The following SRSF10 variants were observed in gnomAD, a reference collection of about 807,000 sequenced individuals.
SRSF10 encodes the protein serine and arginine rich splicing factor 10.
In SRSF10, 9 loss-of-function variants were observed where a neutral mutation model predicts 32.6. That is an observed-to-expected ratio of 0.28 (90% confidence interval 0.17 to 0.48). The LOEUF (loss-of-function observed/expected upper bound fraction) is 0.48, where lower values mean the gene tolerates loss of function less well. SRSF10 is among the 20% of genes least tolerant of loss of function. The pLI, the probability that SRSF10 is intolerant of heterozygous loss-of-function variation, is 0.99. For missense variants in SRSF10, 201 were observed against 331.8 expected (o/e 0.61, Z 3.06); for synonymous variants, 105 against 112.4 (o/e 0.93, Z 0.42).
rs2148501081 is a variant in SRSF10, at chr1:23,971,941, A to G, written c.346T>C (p.Tyr116His). The G allele has an allele frequency of 6.3e-7, 1 of 1,590,476 alleles. No individual in the cohort carries two copies. Among genetic ancestry groups the G allele is most frequent in the Non-Finnish European group, 8.5e-7 (1 of 1,172,618 alleles). ...SSSRYDDYDR[Y>H]RRSRSRSYER... ...TAACTTCGGCTTCTAGAACGTCTGT[A>G]TCTGTCATAATCATCATAGCGTGAA... Residue 116 changes from tyrosine (Y) to histidine (H), a missense_variant, in exon 4 of 6, where the codon TAC becomes CAC. Physicochemically the swap from Tyr to His is moderately conservative, Grantham distance 83 (BLOSUM62 2). This residue lies in a region of SRSF10 where 159 missense variants were observed against 196.7 expected (regional missense o/e 0.81). Transcript: ENST00000492112.
At chr1:23,977,314 C>T (rs1642153259) in intron 2 of SRSF10, 1 of 152,186 alleles carries the variant, frequency 6.6e-6, no homozygotes, top group Non-Finnish European at 1.5e-5. Flanking sequence ...GAAGTAAGGT[C>T]ACCTGAAACT....
rs1641745836 is a variant in SRSF10, at chr1:23,971,423, G to A, written c.508C>T (p.Arg170Ter). 2 of 1,608,868 alleles carry A rather than the reference G, an allele frequency of 1.2e-6. No homozygotes were observed. Among genetic ancestry groups the A allele is most frequent in the Admixed American group, 1.7e-5 (1 of 59,098 alleles). The change falls in exon 6 of 6, where the codon CGA (arginine) becomes TGA (stop). Residue 170 changes from arginine to a stop codon, truncating the protein, a stop_gained. Transcript: ENST00000492112. LOFTEE classifies it high-confidence loss of function. The stretch of plus-strand genomic sequence containing the variant: ...TTGGATTTAGATCTTGAAAAAGATC[G>A]ATTTCGGTGTTTGAATCTTTCAAAA... ...SDNDRFKHRNRSFSRSKSNSR... is the reference protein window; with the variant it reads ...SDNDRFKHRN
chr1:23,979,057 G>GTTTTTTTTTTTTTTTTTTTT (rs71655401), intron 1 of SRSF10: 2 of 133,982 alleles, frequency 1.5e-5, no homozygotes, highest in African/African-American at 2.7e-5. Flanking sequence ...TATAAGCCTT[G>GTTTTTTTTTTTTTTTTTTTT]TTTTTTTTTT....
intron 1 of SRSF10, among the ~76,000 whole-genome samples, 155 bp downstream of exon 1, chr1:23,980,036 G>A (rs896857210): frequency 7.9e-5 from 12 of 152,256 alleles, no homozygotes; most frequent in East Asian, 5.8e-4. Context: ...CGGCGGCTGA[G>A]GCCCGCTGCG....
chr1:23,972,605 G>A lies in SRSF10; in HGVS notation c.275-593C>T, dbSNP rs1171922310. Among the ~76,000 whole-genome samples the A allele has an allele frequency of 2.0e-5, 3 of 151,822 alleles. No homozygotes were observed. The East Asian group carries it at 5.8e-4, about 29-fold the overall frequency. On this transcript the variant is annotated intron_variant, in intron 3 of 5. Transcript: ENST00000492112. ...TTACAGGCACGCGCCACCACACCCG[G>A]CTAATTTTTGTATTTTAGTAGAGAC...
rs1641733754 is a variant in SRSF10 at position 23,971,166 on chromosome 1, A to G, written c.765T>C (p.Thr255=). The G allele has an allele frequency of 6.2e-7, 1 of 1,612,870 alleles. No homozygotes were observed. Residue 255 remains threonine, a synonymous_variant, in exon 6 of 6, where the codon ACT becomes ACC. Coordinates refer to ENST00000492112, the MANE Select transcript of SRSF10 (RefSeq NM_054016.4). ...ATCAGTGGCCACTGGACTTAGGACT[A>G]GTCCAAGACCTTGATCTAGATTTTG... ...SRSKSRSRSW[T]SPKSSGH is the part of the protein sequence containing the mutation.
chr1:23,974,962 A>C lies in SRSF10; in HGVS notation c.274+12T>G. 1 of 1,580,802 alleles carries C rather than the reference A, an allele frequency of 6.3e-7. No homozygotes were observed. Among genetic ancestry groups the C allele is most frequent in the Non-Finnish European group, 8.7e-7 (1 of 1,150,042 alleles). On this transcript the variant is annotated intron_variant, in intron 3 of 5. Transcript: ENST00000492112. ...ATAATGTTTCATACATATCAGGCAT[A>C]AGGGTACTTACTCTTTCGATCCCCC...
At position 23,980,183 on chromosome 1, in the gene SRSF10, G is replaced by A; in HGVS notation, c.65+8C>T. ...CGCCTAGGCCCGGAGTACCTGCCTTGTACCTACCTGGTGTCGTCGGCCACG... is the reference window on the plus strand; with the variant it reads ...CGCCTAGGCCCGGAGTACCTGCCTTATACCTACCTGGTGTCGTCGGCCACG... On this transcript the variant is annotated splice_region_variant and intron_variant, in intron 1 of 5. Transcript: ENST00000492112. The A allele has an allele frequency of 6.5e-7, 1 of 1,532,556 alleles. No individual in the cohort carries two copies. The highest frequency in any genetic ancestry group is 8.8e-7 in the Non-Finnish European group (1 of 1,138,658). 94.9% of individuals were successfully genotyped at this position (1,532,556 alleles called of 1,614,324 possible).
In SRSF10 at chr1:23,967,854, C is replaced by A. The variant is rs1641526444; in HGVS notation, c.*3288G>T. ...TTTCAAGAGAATAATACAATAGTTC[C>A]CAGGTCTTTCCCCTGGGATGTAACT... On this transcript the variant is annotated 3_prime_UTR_variant, in exon 6 of 6. Transcript: ENST00000492112. 1 of 1,550,622 alleles carries A rather than the reference C, an allele frequency of 6.4e-7. No individual in the cohort carries two copies. Among genetic ancestry groups the A allele is most frequent in the South Asian group, 1.2e-5 (1 of 84,696 alleles).
rs1641724731 is a variant in SRSF10 at position 23,971,005 on chromosome 1, T to C, written c.*137A>G. The C allele has an allele frequency of 4.8e-6, 7 of 1,468,658 alleles. 1 individual carries two copies. The highest frequency in any genetic ancestry group is 4.6e-5 in the South Asian group (3 of 65,154). 91.0% of individuals were successfully genotyped at this position (1,468,658 alleles called of 1,614,324 possible). A position where few individuals can be genotyped will look rare whatever the true frequency, so the allele number is the denominator to read the frequency against. Reference sequence around the variant, plus strand: ...TCTCAACAGCATATCATTTTAATTATAACCATTGCCTGGTACAGGGAAAAC... The same window carrying C: ...TCTCAACAGCATATCATTTTAATTACAACCATTGCCTGGTACAGGGAAAAC... On this transcript the variant is annotated 3_prime_UTR_variant, in exon 6 of 6. Transcript: ENST00000492112.
intron 2 of SRSF10, 158 bp from the exon 3 acceptor site, chr1:23,975,235 T>C (rs2148507628): frequency 3.1e-6 from 2 of 635,274 alleles, no homozygotes; most frequent in Non-Finnish European, 5.7e-6. Flanking sequence ...ATTCAGTCAT[T>C]AACACTTCAC....
chr1:23,970,452 C>G lies in SRSF10; in HGVS notation c.*690G>C. On this transcript the variant is annotated 3_prime_UTR_variant, in exon 6 of 6. Transcript: ENST00000492112. ...TTTGGCTCACTGCAACTTCTACCTCCCAGGTTCAAGCGATTCTCTTGCCTC... is the reference window on the plus strand; with the variant it reads ...TTTGGCTCACTGCAACTTCTACCTCGCAGGTTCAAGCGATTCTCTTGCCTC... 1.4e-6 allele frequency: 1 copy of G among 713,792 alleles called. No individual in the cohort carries two copies. Among genetic ancestry groups the G allele is most frequent in the African/African-American group, 1.9e-5 (1 of 51,412 alleles). 44.2% of individuals were successfully genotyped at this position (713,792 alleles called of 1,614,324 possible). A position where few individuals can be genotyped will look rare whatever the true frequency, so the allele number is the denominator to read the frequency against.
At chr1:23,977,543 A>G (rs1642164761) in intron 2 of SRSF10, 1 of 152,158 alleles carries the variant, frequency 6.6e-6, no homozygotes, top group Non-Finnish European at 1.5e-5. Flanking sequence ...TTCTGACCCT[A>G]CAAGACCACC....
rs566735169 is a variant in SRSF10, at chr1:23,968,237, CAT to C, written c.*2903_*2904del. 2.3e-3 allele frequency among the ~76,000 whole-genome samples: 350 copies of C among 152,190 alleles called. 4 individuals are homozygous for C. Among genetic ancestry groups the C allele is most frequent in the African/African-American group, 8.1e-3 (337 of 41,510 alleles). On this transcript the variant is annotated 3_prime_UTR_variant, in exon 6 of 6. Transcript: ENST00000492112. The stretch of plus-strand genomic sequence containing the variant: ...GTTAGGTGTGTCGCTTTAGGAACAA[CAT>C]ATAAGATTCTCAATAGTCCAAGTCT...
Position 23,980,287 on chromosome 1 carries a change from C to G in SRSF10, c.-32G>C. On this transcript the variant is annotated 5_prime_UTR_variant, in exon 1 of 6. Coordinates refer to ENST00000492112, the MANE Select transcript of SRSF10 (RefSeq NM_054016.4). ...GGCGTGTCTCGGCCGGGCGCACTAA[C>G]GGGCTCAGCAAACCGTCCGCGGCTC... 3 of 1,438,796 alleles carry G rather than the reference C, an allele frequency of 2.1e-6. No individual in the cohort carries two copies. Among genetic ancestry groups the G allele is most frequent in the Non-Finnish European group, 2.8e-6 (3 of 1,088,312 alleles). The allele number at this position is 1,438,796 out of a possible 1,614,324, so 89.1% of individuals were successfully genotyped here. A position where few individuals can be genotyped will look rare whatever the true frequency, so the allele number is the denominator to read the frequency against.
At position 23,975,294 on chromosome 1, in the gene SRSF10, G is replaced by C. The variant is rs926325037; in HGVS notation, c.171-217C>G. Reference sequence around the variant, plus strand: ...CTAAGGCACACATTTGAAAATGTATGAATACATATTGCAGTAAAGTTATTA... The same window carrying C: ...CTAAGGCACACATTTGAAAATGTATCAATACATATTGCAGTAAAGTTATTA... On this transcript the variant is annotated intron_variant, in intron 2 of 5. Coordinates refer to ENST00000492112, the MANE Select transcript of SRSF10 (RefSeq NM_054016.4). 2.7e-5 allele frequency: 14 copies of C among 517,374 alleles called. No homozygotes were observed. In the African/African-American group the frequency reaches 2.7e-4, roughly 10 times the overall value. 32.0% of individuals were successfully genotyped at this position (517,374 alleles called of 1,614,324 possible).
chr1:23,975,857 A>T (rs1642054156), intron 2 of SRSF10: 2 of 152,242 alleles, frequency 1.3e-5, no homozygotes, highest in Admixed American at 1.3e-4. Context: ...TGGGTTTGAG[A>T]CTGGTTTCCA....
intron 3 of SRSF10, among the ~76,000 whole-genome samples, chr1:23,973,407 G>C (rs1641890655): frequency 6.6e-6 from 1 of 152,168 alleles, no homozygotes; most frequent in South Asian, 2.1e-4. Flanking sequence ...ACAGCTCTCT[G>C]CAACTTCAAC....
rs971293434 is a variant in SRSF10, at chr1:23,973,319, C to G, written c.275-1307G>C. ...CATACCATAAAAGGATTTTTAAAAA[C>G]TCCAAATGGAAGTGAGTGCCTTTTT... On this transcript the variant is annotated intron_variant, in intron 3 of 5. Transcript: ENST00000492112. Among the ~76,000 whole-genome samples the G allele has an allele frequency of 8.5e-5, 13 of 152,232 alleles. No individual in the cohort carries two copies. The East Asian group carries it at 2.5e-3, about 29-fold the overall frequency.
Sources: gnomAD v4.1 joint callset for allele counts (sites outside exome capture counted in the v4.1 genomes callset) on GRCh38, gnomAD v4.1.1 for gene constraint, gnomAD v4.1.1 regional missense constraint, MANE v1.5 for transcripts, NCBI Gene and HGNC (gene_info 2026-07-23, HGNC 2026-07-21) for gene names.